The following ARPP21 variants were observed in gnomAD, a reference collection of about 807,000 sequenced individuals.
The protein encoded by ARPP21 is cAMP-regulated phosphoprotein 21.
Under a neutral mutation model 113.2 loss-of-function variants are expected in ARPP21, and 69 were observed. The observed-to-expected ratio is 0.61, with a 90% CI of 0.50 to 0.74. The LOEUF (loss-of-function observed/expected upper bound fraction) is 0.74, where lower values mean the gene tolerates loss of function less well. ARPP21 is among the 30% of genes least tolerant of loss of function. The probability of loss-of-function intolerance (pLI) is 0.00; values close to 1 mark genes in which losing one functional copy is unlikely to be tolerated. For synonymous variants in ARPP21, 368 were observed against 375.5 expected (o/e 0.98, Z 0.23); for missense variants, 1,070 against 1,037.4 (o/e 1.03, Z -0.43).
intron 19 of ARPP21, among the ~76,000 whole-genome samples, chr3:35,764,885 G>A (rs1477541259): frequency 2.0e-5 from 3 of 152,054 alleles, no homozygotes; most frequent in Admixed American, 2.0e-4. Flanking sequence ...TTCTTATTGA[G>A]TGTGGCAAGC....
chr3:35,707,546 G>A (rs1345461689), intron 10 of ARPP21: 7 of 457,434 alleles, frequency 1.5e-5, no homozygotes, highest in Admixed American at 7.0e-5. Flanking sequence ...GTTATGGTGA[G>A]GACAGGTGGA....
intron 9 of ARPP21, among the ~76,000 whole-genome samples, chr3:35,691,275 T>C (rs1364015128): frequency 6.6e-6 from 1 of 151,676 alleles, no homozygotes; most frequent in East Asian, 1.9e-4. Flanking sequence ...CAGTACTCTA[T>C]GAAATTACAT....
chr3:35,736,323 T>C (rs1161577138), intron 15 of ARPP21, among the ~76,000 whole-genome samples: 2 of 152,166 alleles, frequency 1.3e-5, no homozygotes, highest in Admixed American at 6.5e-5. Flanking sequence ...CACTTTGCTC[T>C]TCTCCTTTCA....
intron 15 of ARPP21, among the ~76,000 whole-genome samples, chr3:35,733,289 C>T (rs1029319733): frequency 1.3e-5 from 2 of 151,840 alleles, no homozygotes; most frequent in African/African-American, 4.8e-5. Context: ...ATAATATCTA[C>T]TACCCATTAT....
At chr3:35,778,581 T>C (rs920248042) in intron 19 of ARPP21, among the ~76,000 whole-genome samples, 9 of 152,152 alleles carry the variant, frequency 5.9e-5, no homozygotes, top group African/African-American at 1.9e-4. Flanking sequence ...TCTGGTGTCT[T>C]CCTCACTTGT....
intron 19 of ARPP21, among the ~76,000 whole-genome samples, chr3:35,760,938 G>A (rs1237629709): frequency 6.6e-6 from 1 of 152,082 alleles, no homozygotes. Context: ...GTTTTTGTGG[G>A]AAGAGTGCAT....
chr3:35,772,293 A>G (rs563576144), intron 19 of ARPP21, among the ~76,000 whole-genome samples: 1 of 152,334 alleles, frequency 6.6e-6, no homozygotes, highest in South Asian at 2.1e-4. Flanking sequence ...TCATAATAAT[A>G]TTTACCAAAT....
intron 5 of ARPP21, chr3:35,685,933 C>G (rs1258990461): frequency 7.9e-6 from 3 of 379,020 alleles, no homozygotes; most frequent in African/African-American, 6.6e-5. Flanking sequence ...AATATATATG[C>G]ATAGAAAAGA....
chr3:35,681,741 C>T lies in ARPP21; in HGVS notation c.-11C>T, dbSNP rs1302389827. ...CATAAAATCTTGTTATTTTAATTTG[C>T]ATCTGGGAGAATGTCTGAGCAAGGA... On this transcript the variant is annotated 5_prime_UTR_variant, in exon 3 of 21. Transcript: ENST00000684406. 2.5e-6 allele frequency: 4 copies of T among 1,606,362 alleles called. No homozygotes were observed. The highest frequency in any genetic ancestry group is 3.4e-6 in the Non-Finnish European group (4 of 1,174,984).
intron 18 of ARPP21, among the ~76,000 whole-genome samples, chr3:35,740,105 G>A (rs555038707): frequency 6.6e-6 from 1 of 152,314 alleles, no homozygotes; most frequent in African/African-American, 2.4e-5. Flanking sequence ...CTAAGGGGAA[G>A]CAGAGCTCAC....
chr3:35,739,884 G>A (rs1002945743), intron 18 of ARPP21, among the ~76,000 whole-genome samples: 12 of 152,170 alleles, frequency 7.9e-5, no homozygotes, highest in African/African-American at 2.9e-4. Context: ...TCCAGCTCAG[G>A]GGATTGCCTA....
chr3:35,767,071 C>A lies in ARPP21; in HGVS notation c.2137+23106C>A, dbSNP rs114541135. Reference sequence around the variant, plus strand: ...CACTCTGTAAAGAAATAGGACTAAGCACAAATCATTCCTGTTAGGCCTGCC... The same window carrying A: ...CACTCTGTAAAGAAATAGGACTAAGAACAAATCATTCCTGTTAGGCCTGCC... On this transcript the variant is annotated intron_variant, in intron 19 of 20. Transcript: ENST00000684406. Among the ~76,000 whole-genome samples, 854 of 152,218 alleles carry A rather than the reference C, an allele frequency of 5.6e-3. 2 individuals are homozygous for A. The highest frequency in any genetic ancestry group is 9.7e-3 in the Non-Finnish European group (658 of 68,014).
chr3:35,761,473 G>A (rs368023376), intron 19 of ARPP21, among the ~76,000 whole-genome samples: 5 of 152,066 alleles, frequency 3.3e-5, no homozygotes, highest in Admixed American at 1.3e-4. Context: ...TTTGGGAACA[G>A]CCCTCCTGCA....
chr3:35,650,350 G>T (rs1282742072), intron 1 of ARPP21: 1 of 151,926 alleles, frequency 6.6e-6, no homozygotes, highest in Admixed American at 6.6e-5. Context: ...TGTGTCTCAG[G>T]CTAAATACTT....
intron 1 of ARPP21, among the ~76,000 whole-genome samples, chr3:35,648,031 AT>A (rs1337644243): frequency 6.6e-6 from 1 of 152,174 alleles, no homozygotes; most frequent in Non-Finnish European, 1.5e-5. Flanking sequence ...AGAAAAAAAA[AT>A]ATTTTGGTAA....
rs751600281 is a variant in ARPP21, at chr3:35,738,173, A to C, written c.1645-41A>C. The C allele has an allele frequency of 6.8e-5, 88 of 1,285,652 alleles. No homozygotes were observed. In the African/African-American group the frequency reaches 1.2e-3, roughly 18 times the overall value. 79.6% of individuals were successfully genotyped at this position (1,285,652 alleles called of 1,614,324 possible). A position where few individuals can be genotyped will look rare whatever the true frequency, so the allele number is the denominator to read the frequency against. Reference sequence around the variant, plus strand: ...GTGCATCTTGTGAGATTTCAACCCCAGTGCTTTTCTGTCAGCTGATCAATT... The same window carrying C: ...GTGCATCTTGTGAGATTTCAACCCCCGTGCTTTTCTGTCAGCTGATCAATT... On this transcript the variant is annotated intron_variant, in intron 16 of 20. Coordinates refer to ENST00000684406, the MANE Select transcript of ARPP21 (RefSeq NM_001385562.1).
chr3:35,698,217 A>G (rs1330098116), intron 9 of ARPP21, among the ~76,000 whole-genome samples: 1 of 151,672 alleles, frequency 6.6e-6, no homozygotes, highest in Non-Finnish European at 1.5e-5. Context: ...CATTTTCTTC[A>G]AATATTATAT....
chr3:35,738,594 G>GA, intron 17 of ARPP21, among the ~76,000 whole-genome samples: 1 of 152,304 alleles, frequency 6.6e-6, no homozygotes, highest in South Asian at 2.1e-4. Context: ...TTCAGAGTTA[G>GA]AAATCAGGAA....
At chr3:35,644,671 G>A (rs1699491547) in intron 1 of ARPP21, among the ~76,000 whole-genome samples, 1 of 151,768 alleles carries the variant, frequency 6.6e-6, no homozygotes, top group Non-Finnish European at 1.5e-5. Flanking sequence ...ACAGTGGAGG[G>A]GATATTGCAA....
Sources: allele counts gnomAD v4.1 joint callset (sites outside exome capture counted in the v4.1 genomes callset), GRCh38; gene constraint gnomAD v4.1.1; transcripts MANE v1.5; gene names NCBI Gene and HGNC (gene_info 2026-07-23, HGNC 2026-07-21).